Variants in FHIP1A observed in about 807,000 individuals in gnomAD.
FHIP1A encodes FHF complex subunit HOOK interacting protein 1A, also known as FHF complex subunit HOOK-interacting protein 1A.
A neutral mutation model predicts 88.6 loss-of-function variants in FHIP1A; 61 were observed. That is an observed-to-expected ratio of 0.69 (90% CI 0.56 to 0.85). The LOEUF (loss-of-function observed/expected upper bound fraction) is 0.85. Among genes scored for constraint, FHIP1A ranks in the 40% least tolerant of loss-of-function variants. FHIP1A has a pLI of 0.00. For missense variants in FHIP1A, 1,154 were observed against 1,273.5 expected, an observed-to-expected ratio of 0.91 and a Z score of 1.43; for synonymous variants, 478 against 496.0, an observed-to-expected ratio of 0.96 and a Z score of 0.48.
chr4:151,490,456 G>T (rs1730242915), intron 3 of FHIP1A, among the ~76,000 whole-genome samples: 1 of 152,098 alleles, frequency 6.6e-6, no homozygotes, highest in African/African-American at 2.4e-5. Flanking sequence ...CTAGGGGAAG[G>T]GGGAGAGCAC....
chr4:151,552,587 A>C (rs938904091), intron 3 of FHIP1A, among the ~76,000 whole-genome samples: 1 of 152,134 alleles, frequency 6.6e-6, no homozygotes, highest in Admixed American at 6.5e-5. Flanking sequence ...TAGAAAACCA[A>C]ATACCGCATT....
chr4:151,539,553 G>T (rs1021672922), intron 3 of FHIP1A, among the ~76,000 whole-genome samples: 2 of 131,228 alleles, frequency 1.5e-5, no homozygotes, highest in African/African-American at 5.9e-5. Flanking sequence ...GGCAGAGGGA[G>T]ACTCTGTCTA....
intron 2 of FHIP1A, among the ~76,000 whole-genome samples, chr4:151,476,523 C>T (rs984940372): frequency 2.0e-5 from 3 of 152,092 alleles, no homozygotes; most frequent in African/African-American, 7.2e-5. Context: ...ATGTTCATCT[C>T]AACCTAAAAC....
At chr4:151,411,345 A>ATTTTTTTTTTTTTTTTTT (rs1266533808) in intron 1 of FHIP1A, among the ~76,000 whole-genome samples, 1 of 121,634 alleles carries the variant, frequency 8.2e-6, no homozygotes, top group Non-Finnish European at 1.6e-5. Context: ...GAAATTATAT[A>ATTTTTTTTTTTTTTTTTT]TATATTTTTT....
chr4:151,547,863 G>A (rs557704159), intron 3 of FHIP1A, among the ~76,000 whole-genome samples: 51 of 151,664 alleles, frequency 3.4e-4, no homozygotes, highest in African/African-American at 1.2e-3. Context: ...GCAGTGAGCC[G>A]AAATTGCACC....
chr4:151,413,883 G>C (rs1561484805), intron 1 of FHIP1A, among the ~76,000 whole-genome samples: 1 of 152,176 alleles, frequency 6.6e-6, no homozygotes, highest in Non-Finnish European at 1.5e-5. Context: ...TGAGGTGTAG[G>C]AGTTTAAATG....
intron 1 of FHIP1A, among the ~76,000 whole-genome samples, chr4:151,435,538 A>G (rs1335741846): frequency 6.6e-6 from 1 of 152,198 alleles, no homozygotes; most frequent in Non-Finnish European, 1.5e-5. Flanking sequence ...TAATCCCAGC[A>G]CTTTGGGAGG....
At chr4:151,459,606 T>A (rs1175004993) in intron 2 of FHIP1A, among the ~76,000 whole-genome samples, 1 of 152,170 alleles carries the variant, frequency 6.6e-6, no homozygotes, top group Non-Finnish European at 1.5e-5. Flanking sequence ...CTCAAGTGAT[T>A]TATGTTTAGC....
chr4:151,430,732 A>G (rs1048466378), intron 1 of FHIP1A, among the ~76,000 whole-genome samples: 1 of 152,222 alleles, frequency 6.6e-6, no homozygotes. Flanking sequence ...AGCTCCATTC[A>G]GCTGACCCTC....
chr4:151,468,397 T>C (rs1178589149), intron 2 of FHIP1A, among the ~76,000 whole-genome samples: 3 of 152,130 alleles, frequency 2.0e-5, no homozygotes, highest in African/African-American at 7.2e-5. Context: ...TTTGGGTGAT[T>C]CTGTTGCATG....
chr4:151,517,249 C>G (rs1213334418), intron 3 of FHIP1A, among the ~76,000 whole-genome samples: 4 of 150,250 alleles, frequency 2.7e-5, no homozygotes, highest in Non-Finnish European at 5.9e-5. Context: ...GGGAATTGAA[C>G]AATGAGAACA....
intron 3 of FHIP1A, among the ~76,000 whole-genome samples, chr4:151,533,367 A>T (rs1731951449): frequency 6.6e-6 from 1 of 152,068 alleles, no homozygotes; most frequent in Admixed American, 6.5e-5. Flanking sequence ...GTGAGTTGTG[A>T]TTGTGCCACT....
At chr4:151,605,311 C>T (rs1343147606) in intron 7 of FHIP1A, among the ~76,000 whole-genome samples, 2 of 152,142 alleles carry the variant, frequency 1.3e-5, no homozygotes, top group Non-Finnish European at 2.9e-5. Flanking sequence ...AAGTTTGGGA[C>T]TATCTCTGGT....
intron 7 of FHIP1A, among the ~76,000 whole-genome samples, chr4:151,597,091 G>A (rs1578798539): frequency 6.6e-6 from 1 of 152,124 alleles, no homozygotes; most frequent in East Asian, 1.9e-4. Flanking sequence ...GTGATCCTTT[G>A]GAGGAGAAGA....
At chr4:151,441,482 T>C (rs1728412228) in intron 1 of FHIP1A, among the ~76,000 whole-genome samples, 1 of 152,166 alleles carries the variant, frequency 6.6e-6, no homozygotes, top group Non-Finnish European at 1.5e-5. Context: ...TACATACATA[T>C]TATATATTTT....
At chr4:151,576,441 C>A (rs1335839960) in intron 4 of FHIP1A, among the ~76,000 whole-genome samples, 1 of 152,052 alleles carries the variant, frequency 6.6e-6, no homozygotes, top group Non-Finnish European at 1.5e-5. Flanking sequence ...CTCAGAGTCT[C>A]AAGGCATGCA....
intron 1 of FHIP1A, among the ~76,000 whole-genome samples, chr4:151,414,597 A>G (rs2709812): frequency 0.48 from 73,694 of 151,966 alleles, 18,244 homozygotes; most frequent in Non-Finnish European, 0.55. Context: ...TGGAATTTGG[A>G]CTAAACTTTT....
At chr4:151,565,558 T>A (rs1733352774) in intron 3 of FHIP1A, among the ~76,000 whole-genome samples, 1 of 152,088 alleles carries the variant, frequency 6.6e-6, no homozygotes. Flanking sequence ...TCCTTTCAAT[T>A]CTGACAGCCA....
intron 5 of FHIP1A, among the ~76,000 whole-genome samples, chr4:151,584,882 A>G (rs914668280): frequency 6.6e-6 from 1 of 151,992 alleles, no homozygotes; most frequent in East Asian, 1.9e-4. Flanking sequence ...GCTAACTCCT[A>G]CGTACTCTTC....
Sources: allele counts gnomAD v4.1 joint callset (sites outside exome capture counted in the v4.1 genomes callset), GRCh38; gene constraint gnomAD v4.1.1; transcripts MANE v1.5; gene names NCBI Gene and HGNC (gene_info 2026-07-23, HGNC 2026-07-21).